The following UBE2N variants were observed in gnomAD, a reference collection of about 807,000 sequenced individuals.
UBE2N encodes ubiquitin conjugating enzyme E2 N, also known as ubiquitin-conjugating enzyme E2 N.
For synonymous variants in UBE2N, 70 were observed against 69.2 expected, an observed-to-expected ratio of 1.01 and a Z score of -0.06; for missense variants, 60 against 192.1, an observed-to-expected ratio of 0.31 and a Z score of 4.07.
At chr12:93,410,282 A>G in intron 3 of UBE2N, 3 of 537,306 alleles carry the variant, frequency 5.6e-6, no homozygotes, top group South Asian at 4.9e-5. Context: ...AAAATTAAGA[A>G]GTTCTAGAAA....
At chr12:93,421,667 G>C (rs1325711505) in intron 1 of UBE2N, among the ~76,000 whole-genome samples, 2 of 152,094 alleles carry the variant, frequency 1.3e-5, no homozygotes, top group African/African-American at 4.8e-5. Flanking sequence ...AACCAGAAAA[G>C]TATAGTCTTA....
At chr12:93,430,409 C>T (rs1315953627) in intron 1 of UBE2N, among the ~76,000 whole-genome samples, 2 of 152,026 alleles carry the variant, frequency 1.3e-5, no homozygotes, top group African/African-American at 4.8e-5. Flanking sequence ...TATATTTTGC[C>T]GGTAAGAAAG....
At chr12:93,425,934 C>G (rs550627781) in intron 1 of UBE2N, among the ~76,000 whole-genome samples, 1 of 152,124 alleles carries the variant, frequency 6.6e-6, no homozygotes, top group African/African-American at 2.4e-5. Flanking sequence ...TCAATAATCA[C>G]GAGTTGACAT....
chr12:93,426,006 G>A (rs185359034), intron 1 of UBE2N, among the ~76,000 whole-genome samples: 9 of 152,266 alleles, frequency 5.9e-5, no homozygotes, highest in Non-Finnish European at 1.0e-4. Context: ...GAAACAGCTT[G>A]GTTAGGGACT....
At chr12:93,410,605 T>C in intron 3 of UBE2N, 129 bp downstream of exon 3, 1 of 1,375,092 alleles carries the variant, frequency 7.3e-7, no homozygotes, top group Non-Finnish European at 9.9e-7. Flanking sequence ...ATTTACATAC[T>C]ATAAGCAGGA....
At chr12:93,436,698 C>T (rs1878944474) in intron 1 of UBE2N, among the ~76,000 whole-genome samples, 1 of 152,000 alleles carries the variant, frequency 6.6e-6, no homozygotes, top group African/African-American at 2.4e-5. Flanking sequence ...TGGCTTCAAG[C>T]AATCCTTGGG....
At chr12:93,441,002 A>G (rs1056776066) in intron 1 of UBE2N, 2 of 152,254 alleles carry the variant, frequency 1.3e-5, no homozygotes, top group Non-Finnish European at 2.9e-5. Flanking sequence ...CCGCCTGGGC[A>G]CTATAGCGAG....
intron 1 of UBE2N, among the ~76,000 whole-genome samples, chr12:93,420,495 A>AC (rs760841329): frequency 1.2e-4 from 18 of 152,156 alleles, no homozygotes; most frequent in Non-Finnish European, 8.8e-5. Context: ...CCTGTTCATT[A>AC]CCACCTCTCC....
intron 1 of UBE2N, 143 bp from the exon 2 acceptor site, chr12:93,411,442 ATTC>A: frequency 6.3e-6 from 7 of 1,117,488 alleles, no homozygotes; most frequent in African/African-American, 1.6e-5. Flanking sequence ...AAAATGCAAA[ATTC>A]AAAAAAATAC....
At chr12:93,410,533 T>C in intron 3 of UBE2N, 1 of 710,824 alleles carries the variant, frequency 1.4e-6, no homozygotes, top group East Asian at 2.7e-5. Flanking sequence ...CTCCAAGATC[T>C]TTCAATTACA....
chr12:93,411,443 T>A, intron 1 of UBE2N, 144 bp from the exon 2 acceptor site: 3 of 1,119,078 alleles, frequency 2.7e-6, no homozygotes, highest in Non-Finnish European at 3.7e-6. Context: ...AAATGCAAAA[T>A]TCAAAAAAAT....
At chr12:93,410,439 T>C (rs1230105513) in intron 3 of UBE2N, 1 of 520,478 alleles carries the variant, frequency 1.9e-6, no homozygotes, top group East Asian at 3.4e-5. Context: ...ACAAAAACAG[T>C]TCAAGTTTTC....
rs137922445 is a variant in UBE2N, at chr12:93,439,857, C to T, written c.30+1998G>A. 1.6e-4 allele frequency among the ~76,000 whole-genome samples: 23 copies of T among 145,874 alleles called. No individual in the cohort carries two copies. The East Asian group carries it at 4.2e-3, about 27-fold the overall frequency. On this transcript the variant is annotated intron_variant, in intron 1 of 3. Transcript: ENST00000318066. ...TAGATAGATGTTGTCAACAAGATACCGTAAAATTAAGATTATATATCACAG... is the reference window on the plus strand; with the variant it reads ...TAGATAGATGTTGTCAACAAGATACTGTAAAATTAAGATTATATATCACAG...
intron 1 of UBE2N, 151 bp from the exon 2 acceptor site, chr12:93,411,450 A>G (rs1878028388): frequency 9.3e-7 from 1 of 1,072,522 alleles, no homozygotes; most frequent in Admixed American, 3.3e-5. Flanking sequence ...AAATTCAAAA[A>G]AATACCATTT....
chr12:93,414,448 CAAAAAAAAAAAA>C (rs398020640), intron 1 of UBE2N, among the ~76,000 whole-genome samples: 8 of 73,988 alleles, frequency 1.1e-4, no homozygotes, highest in African/African-American at 2.9e-4. Flanking sequence ...AGCTCCGTCT[CAAAAAAAAAAAA>C]AAAAAAAAAA....
intron 1 of UBE2N, among the ~76,000 whole-genome samples, chr12:93,424,858 T>C (rs917813456): frequency 6.6e-6 from 1 of 152,240 alleles, no homozygotes; most frequent in African/African-American, 2.4e-5. Context: ...TGTCGGTAAA[T>C]GAGCATTCAT....
At chr12:93,411,023 A>G (rs1168635641) in intron 2 of UBE2N, 30 bp downstream of exon 2, 1 of 1,613,904 alleles carries the variant, frequency 6.2e-7, no homozygotes, top group East Asian at 2.2e-5. Context: ...AAGCTTAATA[A>G]TAGCATATGC....
Position 93,441,849 on chromosome 12 carries a change from G to A in UBE2N, c.30+6C>T, listed in dbSNP as rs992384481. ...CGAAGAGCTGGAGGCCGGCCTGGGC[G>A]GTTACCTTGATGATCCTGCGGGGCA... is the stretch of plus-strand genomic sequence containing the variant. On this transcript the variant is annotated splice_donor_region_variant and intron_variant, in intron 1 of 3. Transcript: ENST00000318066. The A allele has an allele frequency of 1.3e-6, 2 of 1,578,740 alleles. No individual in the cohort carries two copies. The highest frequency in any genetic ancestry group is 2.5e-5 in the East Asian group (1 of 39,356).
intron 1 of UBE2N, among the ~76,000 whole-genome samples, chr12:93,421,599 A>C (rs1878413145): frequency 6.6e-6 from 1 of 152,212 alleles, no homozygotes; most frequent in Admixed American, 6.5e-5. Flanking sequence ...GTGGTGCTTC[A>C]TGAAAAAGGT....
Sources: gnomAD v4.1 joint callset for allele counts (sites outside exome capture counted in the v4.1 genomes callset) on GRCh38, gnomAD v4.1.1 for gene constraint, MANE v1.5 for transcripts, NCBI Gene and HGNC (gene_info 2026-07-23, HGNC 2026-07-21) for gene names.